The following HMMR variants were observed in gnomAD, a reference collection of about 807,000 sequenced individuals.
HMMR encodes intracellular hyaluronic acid-binding protein.
Under a neutral mutation model 101.0 loss-of-function variants are expected in HMMR, and 108 were observed. The observed-to-expected ratio is 1.07, with a 90% CI of 0.92 to 1.25. HMMR has a LOEUF of 1.25. HMMR is among the 50% of genes most tolerant of loss of function. The probability of loss-of-function intolerance (pLI) is 0.00; values close to 1 mark genes in which losing one functional copy is unlikely to be tolerated. For missense variants in HMMR, 813 were observed against 788.7 expected (o/e 1.03, Z -0.37); for synonymous variants, 296 against 276.4 (o/e 1.07, Z -0.70).
In HMMR at chr5:163,475,523, T is replaced by G. The variant is rs1178189669; in HGVS notation, c.1119T>G (p.Asn373Lys). 6.2e-7 allele frequency: 1 copy of G among 1,609,678 alleles called. No homozygotes were observed. ...AAGAGGAAATGGTTAAAGAGAAGAA[T>G]CTGTTTGAGGAAGAATTAAAGCAAA... is the stretch of plus-strand genomic sequence containing the variant. ...SFQEEMVKEK[N>K]LFEEELKQTL... The change falls in exon 11 of 18, where the codon AAT becomes AAG. Residue 373 changes from asparagine (N) to lysine (K), a missense_variant. Coordinates refer to ENST00000393915, the MANE Select transcript of HMMR (RefSeq NM_001142556.2).
chr5:163,483,221 G>A, intron 14 of HMMR, 47 bp from the exon 15 acceptor site: 1 of 1,595,228 alleles, frequency 6.3e-7, no homozygotes, highest in East Asian at 2.2e-5. Context: ...GTTACGATGT[G>A]ATTTTTTAAA....
chr5:163,470,492 G>A (rs1465150421), intron 5 of HMMR, among the ~76,000 whole-genome samples: 7 of 151,896 alleles, frequency 4.6e-5, no homozygotes, highest in East Asian at 1.9e-4. Flanking sequence ...GTATGGTGGC[G>A]TACACCCGTA....
intron 11 of HMMR, among the ~76,000 whole-genome samples, chr5:163,478,189 A>T (rs1161392508): frequency 6.6e-6 from 1 of 152,238 alleles, no homozygotes; most frequent in Admixed American, 6.5e-5. Flanking sequence ...ATAATCCATT[A>T]AAGAAGTTAT....
At chr5:163,484,023 A>T in intron 15 of HMMR, 46 bp from the exon 16 acceptor site, 1 of 1,170,458 alleles carries the variant, frequency 8.5e-7, no homozygotes, top group Admixed American at 2.4e-5. Flanking sequence ...AACTAGTAAG[A>T]TCAAACTGTT....
chr5:163,473,044 T>TAA (rs1172119751), intron 7 of HMMR, 135 bp from the exon 8 acceptor site: 1 of 500,790 alleles, frequency 2.0e-6, no homozygotes, highest in Admixed American at 3.9e-5. Flanking sequence ...TTTGAGAAAT[T>TAA]ACATAAAATA....
At position 163,471,432 on chromosome 5, in the gene HMMR, C is replaced by G; in HGVS notation, c.619C>G (p.Gln207Glu). 1 of 1,613,734 alleles carries G rather than the reference C, an allele frequency of 6.2e-7. No homozygotes were observed. The highest frequency in any genetic ancestry group is 8.5e-7 in the Non-Finnish European group (1 of 1,179,772). The change falls in exon 7 of 18, where the codon CAA becomes GAA. Residue 207 changes from glutamine to glutamate, a missense_variant. Gln to Glu is a conservative substitution (Grantham distance 29, BLOSUM62 2). Transcript: ENST00000393915. ...QVTQRSLEES[Q>E]GKIAQLEGKL... ...CACCCAAAGGAGTCTCGAAGAGTCT[C>G]AAGGGAAAATAGCCCAACTGGAGGG...
At chr5:163,463,995 T>C (rs760841719) in intron 2 of HMMR, 41 bp downstream of exon 2, 14 of 654,786 alleles carry the variant, frequency 2.1e-5, no homozygotes, top group Non-Finnish European at 2.9e-5. Context: ...TGTGATCTTA[T>C]AAGTTTTAAA....
intron 16 of HMMR, 113 bp from the exon 17 acceptor site, chr5:163,490,277 G>T: frequency 1.6e-6 from 1 of 643,094 alleles, no homozygotes. Flanking sequence ...GATTTTTGCT[G>T]TTGAGTGTGA....
At chr5:163,475,244 A>G (rs1759030277) in intron 10 of HMMR, among the ~76,000 whole-genome samples, 1 of 152,222 alleles carries the variant, frequency 6.6e-6, no homozygotes, top group Admixed American at 6.5e-5. Context: ...TGTGCGTTGC[A>G]TAGAAAAAAG....
At chr5:163,483,204 T>A in intron 14 of HMMR, 32 bp downstream of exon 14, 1 of 1,599,206 alleles carries the variant, frequency 6.3e-7, no homozygotes, top group Non-Finnish European at 8.5e-7. Context: ...AGTGCCTTGT[T>A]AACTCAGTTA....
chr5:163,466,001 C>T (rs575306274), intron 3 of HMMR, among the ~76,000 whole-genome samples: 59 of 148,570 alleles, frequency 4.0e-4, no homozygotes, highest in African/African-American at 1.4e-3. Context: ...CAGTAGCTCA[C>T]GCCTGTAATC....
intron 1 of HMMR, among the ~76,000 whole-genome samples, chr5:163,462,509 A>T (rs1236542675): frequency 2.0e-5 from 3 of 152,068 alleles, no homozygotes; most frequent in Non-Finnish European, 4.4e-5. Context: ...TATTGTTTTT[A>T]CTTTTTAAAA....
intron 11 of HMMR, among the ~76,000 whole-genome samples, chr5:163,476,003 A>C (rs899831887): frequency 6.6e-6 from 1 of 152,132 alleles, no homozygotes; most frequent in African/African-American, 2.4e-5. Flanking sequence ...TTTATTGAAC[A>C]TCAGCATTAG....
intron 1 of HMMR, 22 bp downstream of exon 1, chr5:163,460,760 G>A (rs1758494658): frequency 6.2e-7 from 1 of 1,601,732 alleles, no homozygotes; most frequent in Non-Finnish European, 8.5e-7. Flanking sequence ...GGAAAGAGCT[G>A]GGGGACGGGA....
chr5:163,463,058 G>A (rs1758590034), intron 1 of HMMR, among the ~76,000 whole-genome samples: 1 of 152,086 alleles, frequency 6.6e-6, no homozygotes, highest in Non-Finnish European at 1.5e-5. Context: ...AAGTCCTAAA[G>A]GCCCCATCTC....
intron 2 of HMMR, among the ~76,000 whole-genome samples, chr5:163,464,155 G>A (rs1200143547): frequency 6.6e-6 from 1 of 152,230 alleles, no homozygotes; most frequent in Non-Finnish European, 1.5e-5. Flanking sequence ...GGAAAATTAA[G>A]CAAGATACTT....
At chr5:163,467,818 A>C in intron 4 of HMMR, 70 bp downstream of exon 4, 1 of 1,007,120 alleles carries the variant, frequency 9.9e-7, no homozygotes, top group Non-Finnish European at 1.5e-6. Context: ...TTAAGAGATA[A>C]GGATTCTGTT....
chr5:163,472,408 G>A (rs927591077), intron 7 of HMMR, among the ~76,000 whole-genome samples: 3 of 152,082 alleles, frequency 2.0e-5, no homozygotes, highest in African/African-American at 7.2e-5. Context: ...AAAGACTGCT[G>A]TGAACATGTT....
At chr5:163,482,869 C>G (rs369313467) in intron 13 of HMMR, 81 bp downstream of exon 13, 1 of 1,421,418 alleles carries the variant, frequency 7.0e-7, no homozygotes, top group South Asian at 1.3e-5. Context: ...CCTTGGCTTG[C>G]TTTTGGCCAT....
Sources: gnomAD v4.1 joint callset for allele counts (sites outside exome capture counted in the v4.1 genomes callset) on GRCh38, gnomAD v4.1.1 for gene constraint, MANE v1.5 for transcripts, NCBI Gene and HGNC (gene_info 2026-07-23, HGNC 2026-07-21) for gene names.